ORC5: variants seen among roughly 807,000 people sequenced by gnomAD.
ORC5 encodes the protein protein phosphatase 1, regulatory subunit 117.
ORC5 carries 39 observed loss-of-function variants against 58.8 expected under a neutral mutation model. That is an observed-to-expected ratio of 0.66 (90% CI 0.51 to 0.87). The LOEUF (loss-of-function observed/expected upper bound fraction) is 0.87, where lower values mean the gene tolerates loss of function less well. ORC5 is among the 40% of genes least tolerant of loss of function. The probability of loss-of-function intolerance (pLI) is 0.00; values close to 1 mark genes in which losing one functional copy is unlikely to be tolerated. For synonymous variants in ORC5, 218 were observed against 177.6 expected (o/e 1.23, Z -1.81); for missense variants, 493 against 506.3 (o/e 0.97, Z 0.25).
intron 12 of ORC5, among the ~76,000 whole-genome samples, chr7:104,155,289 T>C (rs945854500): frequency 2.6e-5 from 4 of 151,752 alleles, no homozygotes; most frequent in African/African-American, 4.8e-5. Flanking sequence ...AAAATGTTTA[T>C]GTTCTTATAA....
At chr7:104,132,722 G>A (rs762782122) in intron 13 of ORC5, among the ~76,000 whole-genome samples, 24 of 152,158 alleles carry the variant, frequency 1.6e-4, no homozygotes, top group Non-Finnish European at 5.9e-5. Flanking sequence ...TTGAGCTTAG[G>A]AGCTTGTATT....
chr7:104,184,133 A>C lies in ORC5; in HGVS notation c.723T>G (p.Val241=), dbSNP rs1799492499. ...AAATTACACAGTTACCTTCTCCTTT[A>C]ACCACGGGTTCACAATATTTAGGAA... ...LNFPKYCEPV[V]KGEASERDTR... Residue 241 remains valine, a synonymous_variant, in exon 7 of 14, where the codon GTT becomes GTG. Coordinates refer to ENST00000297431, the MANE Select transcript of ORC5 (RefSeq NM_002553.4). The C allele has an allele frequency of 5.0e-6, 8 of 1,590,578 alleles. No individual in the cohort carries two copies. Among genetic ancestry groups the C allele is most frequent in the Non-Finnish European group, 6.0e-6 (7 of 1,164,596 alleles).
intron 13 of ORC5, among the ~76,000 whole-genome samples, chr7:104,127,939 A>C (rs1211320377): frequency 6.6e-6 from 1 of 152,228 alleles, no homozygotes; most frequent in African/African-American, 2.4e-5. Flanking sequence ...AAGAATACTA[A>C]GCCTTTCCAA....
At chr7:104,137,207 G>T (rs1171649620) in intron 12 of ORC5, among the ~76,000 whole-genome samples, 6 of 148,642 alleles carry the variant, frequency 4.0e-5, no homozygotes, top group East Asian at 2.0e-4. Flanking sequence ...GGCTCAAGTG[G>T]TCCTCTCAAC....
intron 12 of ORC5, 42 bp downstream of exon 12, chr7:104,161,030 A>T: frequency 9.3e-7 from 1 of 1,076,844 alleles, no homozygotes; most frequent in Non-Finnish European, 1.4e-6. Flanking sequence ...TATCTGAAGA[A>T]TCCCACAAAG....
At position 104,162,581 on chromosome 7, in the gene ORC5, A is replaced by C. The variant is rs75437997; in HGVS notation, c.1039-1399T>G. Among the ~76,000 whole-genome samples the C allele has an allele frequency of 8.3e-3, 1,271 of 152,362 alleles. 3 individuals carry two copies. The highest frequency in any genetic ancestry group is 0.013 in the Non-Finnish European group (892 of 68,034). On this transcript the variant is annotated intron_variant, in intron 11 of 13. Coordinates refer to ENST00000297431, the MANE Select transcript of ORC5 (RefSeq NM_002553.4). ...TAAAGAAGAATACCTACTCAGAATT[A>C]TACAATGAAGTTTTTACCTCGGCTA...
At chr7:104,186,660 C>CTT in intron 6 of ORC5, among the ~76,000 whole-genome samples, 1 of 152,146 alleles carries the variant, frequency 6.6e-6, no homozygotes, top group South Asian at 2.1e-4. Flanking sequence ...ATTTAATAAA[C>CTT]TTTCAAGAAA....
At chr7:104,142,556 C>T (rs1392992330) in intron 12 of ORC5, among the ~76,000 whole-genome samples, 1 of 151,930 alleles carries the variant, frequency 6.6e-6, no homozygotes, top group Non-Finnish European at 1.5e-5. Context: ...AAATGAAATG[C>T]TTCAAATAAA....
At position 104,138,149 on chromosome 7, in the gene ORC5, C is replaced by T. The variant is rs980105869; in HGVS notation, c.1150-1256G>A. 5.3e-5 allele frequency among the ~76,000 whole-genome samples: 8 copies of T among 152,184 alleles called. No individual in the cohort carries two copies. The highest frequency in any genetic ancestry group is 1.2e-4 in the Non-Finnish European group (8 of 68,034). ...CTGGAAGGGGGACAAGGGAACTTTT[C>T]CTGTTTCACTGGGATTACTGGTGTG... is the stretch of plus-strand genomic sequence containing the variant. On this transcript the variant is annotated intron_variant, in intron 12 of 13. Coordinates refer to ENST00000297431, the MANE Select transcript of ORC5 (RefSeq NM_002553.4). The surrounding 1 kb of genome is among the most constrained non-coding windows in gnomAD (Gnocchi z 4.7).
At chr7:104,145,126 G>A (rs747962256) in intron 12 of ORC5, among the ~76,000 whole-genome samples, 23 of 152,210 alleles carry the variant, frequency 1.5e-4, no homozygotes, top group Non-Finnish European at 2.4e-4. Flanking sequence ...AAGACAAATA[G>A]CCTTCTTAGT....
Position 104,190,477 on chromosome 7 carries a change from C to G in ORC5, c.554-2096G>C, listed in dbSNP as rs73191419. The stretch of plus-strand genomic sequence containing the variant: ...TCCCTACAACTTTGATATCTTTACT[C>G]TACTTCTATTATATCTCAGACTCTT... On this transcript the variant is annotated intron_variant, in intron 5 of 13. Coordinates refer to ENST00000297431, the MANE Select transcript of ORC5 (RefSeq NM_002553.4). Among the ~76,000 whole-genome samples the G allele has an allele frequency of 3.9e-5, 6 of 152,224 alleles. 1 individual carries two copies. Among genetic ancestry groups the G allele is most frequent in the Admixed American group, 3.9e-4 (6 of 15,284 alleles).
intron 8 of ORC5, among the ~76,000 whole-genome samples, chr7:104,169,746 G>A (rs28481813): frequency 0.098 from 14,853 of 152,074 alleles, 2,387 homozygotes; most frequent in African/African-American, 0.34. Context: ...ATTCTTTGAT[G>A]CCCATCTCTC....
chr7:104,164,016 G>A (rs1799066959), intron 11 of ORC5, among the ~76,000 whole-genome samples: 1 of 152,128 alleles, frequency 6.6e-6, no homozygotes, highest in African/African-American at 2.4e-5. Context: ...GAATAAGGCT[G>A]TTAATCATGT....
At chr7:104,157,771 C>T (rs1405621163) in intron 12 of ORC5, among the ~76,000 whole-genome samples, 2 of 152,006 alleles carry the variant, frequency 1.3e-5, no homozygotes, top group Non-Finnish European at 2.9e-5. Context: ...ATGTAAGGTA[C>T]CAATAGTAAG....
intron 12 of ORC5, among the ~76,000 whole-genome samples, chr7:104,157,345 A>G (rs762488010): frequency 4.6e-5 from 7 of 152,038 alleles, no homozygotes; most frequent in Non-Finnish European, 1.0e-4. Context: ...CCCAATGAGA[A>G]TAACTAAGAT....
chr7:104,144,325 T>C (rs1798720516), intron 12 of ORC5, among the ~76,000 whole-genome samples: 1 of 152,208 alleles, frequency 6.6e-6, no homozygotes, highest in African/African-American at 2.4e-5. Flanking sequence ...CATATAAAAC[T>C]TTAAAAATTA....
chr7:104,175,622 A>G (rs1799306267), intron 8 of ORC5, among the ~76,000 whole-genome samples: 1 of 152,214 alleles, frequency 6.6e-6, no homozygotes, highest in Admixed American at 6.5e-5. Context: ...TGTTTATAAG[A>G]GTTAGGCTCT....
At chr7:104,172,223 C>T (rs1799226087) in intron 8 of ORC5, among the ~76,000 whole-genome samples, 1 of 152,176 alleles carries the variant, frequency 6.6e-6, no homozygotes, top group South Asian at 2.1e-4. Context: ...ATATTGTGGA[C>T]ACAATTGAAT....
At chr7:104,130,169 G>A (rs1022902436) in intron 13 of ORC5, among the ~76,000 whole-genome samples, 1 of 151,852 alleles carries the variant, frequency 6.6e-6, no homozygotes, top group East Asian at 1.9e-4. Flanking sequence ...TTGAAAATGT[G>A]TAACTACCAT....
Sources: allele counts gnomAD v4.1 joint callset (sites outside exome capture counted in the v4.1 genomes callset), GRCh38; gene constraint gnomAD v4.1.1; non-coding constraint Gnocchi (gnomAD v3.1); transcripts MANE v1.5; gene names NCBI Gene and HGNC (gene_info 2026-07-23, HGNC 2026-07-21).